FGF14: variants seen among roughly 807,000 people sequenced by gnomAD.
FGF14 encodes the protein fibroblast growth factor homologous factor 4.
Under a neutral mutation model 25.5 loss-of-function variants are expected in FGF14, and 5 were observed. The observed-to-expected ratio is 0.20, with a 90% CI of 0.10 to 0.41. The LOEUF is 0.41. Among genes scored for constraint, FGF14 ranks in the 10% least tolerant of loss-of-function variants. The probability of loss-of-function intolerance (pLI) is 1.00; values close to 1 mark genes in which losing one functional copy is unlikely to be tolerated. For synonymous variants in FGF14, 138 were observed against 118.3 expected, an observed-to-expected ratio of 1.17 and a Z score of -1.08; for missense variants, 222 against 320.1, an observed-to-expected ratio of 0.69 and a Z score of 2.34.
intron 1 of FGF14, among the ~76,000 whole-genome samples, chr13:102,248,986 G>T (rs1440853430): frequency 6.6e-6 from 1 of 152,142 alleles, no homozygotes; most frequent in Non-Finnish European, 1.5e-5. Flanking sequence ...GACTAAGGAA[G>T]TGCAGGAAGT....
intron 3 of FGF14, among the ~76,000 whole-genome samples, chr13:101,754,594 T>G (rs188759893): frequency 6.6e-6 from 1 of 152,128 alleles, no homozygotes; most frequent in East Asian, 1.9e-4. Context: ...CCGAGCGTAG[T>G]GGCATGCACC....
chr13:102,146,351 A>C (rs1416876245), intron 1 of FGF14, among the ~76,000 whole-genome samples: 1 of 152,190 alleles, frequency 6.6e-6, no homozygotes, highest in African/African-American at 2.4e-5. Flanking sequence ...ATTCATTTTA[A>C]GGTAAGCATT....
intron 1 of FGF14, among the ~76,000 whole-genome samples, chr13:102,179,725 A>G (rs1468840418): frequency 6.6e-6 from 1 of 152,146 alleles, no homozygotes; most frequent in Non-Finnish European, 1.5e-5. Context: ...CTTTATCACT[A>G]TTCTATGCTA....
intron 2 of FGF14, 128 bp downstream of exon 2, chr13:101,875,058 C>T (rs1319657075): frequency 1.4e-6 from 1 of 722,328 alleles, no homozygotes; most frequent in Non-Finnish European, 2.5e-6. Context: ...AAATGGCATC[C>T]TAGTGTGTAA....
intron 1 of FGF14, among the ~76,000 whole-genome samples, chr13:102,267,603 A>G (rs2053053246): frequency 6.6e-6 from 1 of 152,118 alleles, no homozygotes. Flanking sequence ...GTAGAGAGAG[A>G]GAAAGATATC....
rs114789994 is a variant in FGF14 at position 102,181,183 on chromosome 13, A to T, written c.208+220288T>A. 2.1e-3 allele frequency among the ~76,000 whole-genome samples: 324 copies of T among 152,268 alleles called. 1 individual carries two copies. Among genetic ancestry groups the T allele is most frequent in the African/African-American group, 7.5e-3 (313 of 41,558 alleles). On this transcript the variant is annotated intron_variant, in intron 1 of 4. Transcript: ENST00000376131. ...TCAATTAAACAGAATGTTATTTTTT[A>T]AAAAAGTTTAAAAGATTTTCAGTGT...
rs60578264 is a variant in FGF14, at chr13:102,314,206, A to T, written c.208+87265T>A. 4.6e-3 allele frequency among the ~76,000 whole-genome samples: 697 copies of T among 152,316 alleles called. 3 individuals are homozygous for T. Among genetic ancestry groups the T allele is most frequent in the African/African-American group, 0.016 (657 of 41,564 alleles). On this transcript the variant is annotated intron_variant, in intron 1 of 4. Coordinates refer to the FGF14 transcript ENST00000376131. Reference sequence around the variant, plus strand: ...TATTGAAGTCAGTTAGCAACAATGTAATTTGCCTGACCTGATCATCTTACA... The same window carrying T: ...TATTGAAGTCAGTTAGCAACAATGTTATTTGCCTGACCTGATCATCTTACA...
At chr13:102,061,710 T>C (rs1363319242) in intron 1 of FGF14, among the ~76,000 whole-genome samples, 1 of 152,198 alleles carries the variant, frequency 6.6e-6, no homozygotes, top group Non-Finnish European at 1.5e-5. Context: ...CTGACACATG[T>C]GGCCTCCAGT....
intron 1 of FGF14, among the ~76,000 whole-genome samples, chr13:102,346,197 A>G (rs1467751435): frequency 6.6e-6 from 1 of 152,204 alleles, no homozygotes; most frequent in Non-Finnish European, 1.5e-5. Context: ...GGATTCAAAA[A>G]TTGAATGGTA....
intron 3 of FGF14, among the ~76,000 whole-genome samples, chr13:101,797,064 G>A (rs1306119485): frequency 3.9e-5 from 6 of 151,962 alleles, no homozygotes; most frequent in East Asian, 1.9e-4. Flanking sequence ...AAATATTCTC[G>A]CAAGTCTTCT....
Position 101,976,389 on chromosome 13 carries a change from T to C in FGF14, c.209-101093A>G, listed in dbSNP as rs143024422. On this transcript the variant is annotated intron_variant, in intron 1 of 4. Coordinates refer to the FGF14 transcript ENST00000376131. ...TAGCCCATTGAAAAAAATGCTATGATATTTTTGTTGTATTCTTCAATAACC... is the reference window on the plus strand; with the variant it reads ...TAGCCCATTGAAAAAAATGCTATGACATTTTTGTTGTATTCTTCAATAACC... Among the ~76,000 whole-genome samples the C allele has an allele frequency of 9.1e-3, 1,383 of 152,330 alleles. 15 individuals carry two copies. Among genetic ancestry groups the C allele is most frequent in the Middle Eastern group, 0.034 (10 of 294 alleles).
At chr13:101,741,840 A>G (rs1434689064) in intron 3 of FGF14, among the ~76,000 whole-genome samples, 2 of 152,146 alleles carry the variant, frequency 1.3e-5, no homozygotes, top group South Asian at 2.1e-4. Flanking sequence ...TGGGCCCCCT[A>G]AGGAGAAAAA....
At chr13:102,340,363 T>A (rs1409389405) in intron 1 of FGF14, among the ~76,000 whole-genome samples, 1 of 152,044 alleles carries the variant, frequency 6.6e-6, no homozygotes, top group Non-Finnish European at 1.5e-5. Flanking sequence ...GCCATAATAA[T>A]CTTGCTTCTC....
intron 1 of FGF14, among the ~76,000 whole-genome samples, chr13:101,911,135 A>G (rs943308249): frequency 1.3e-5 from 2 of 152,118 alleles, no homozygotes; most frequent in Non-Finnish European, 2.9e-5. Context: ...GTAACTTTAC[A>G]CCAAAGAGAA....
At chr13:102,167,605 T>C (rs1428913552) in intron 1 of FGF14, among the ~76,000 whole-genome samples, 1 of 152,138 alleles carries the variant, frequency 6.6e-6, no homozygotes, top group African/African-American at 2.4e-5. Flanking sequence ...TCATTCCACC[T>C]AGATTAATTT....
intron 1 of FGF14, among the ~76,000 whole-genome samples, chr13:102,011,553 C>A (rs915111578): frequency 7.3e-6 from 1 of 137,860 alleles, no homozygotes; most frequent in African/African-American, 2.8e-5. Flanking sequence ...CAGGCAGGAT[C>A]GCCTTTTGGA....
At chr13:101,851,713 C>T (rs1429469767) in intron 3 of FGF14, among the ~76,000 whole-genome samples, 3 of 152,108 alleles carry the variant, frequency 2.0e-5, no homozygotes, top group East Asian at 3.9e-4. Context: ...TTTTAAGAGC[C>T]CTTGCTAAGT....
intron 1 of FGF14, among the ~76,000 whole-genome samples, chr13:102,207,624 TA>T (rs35568335): frequency 0.27 from 24,772 of 92,380 alleles, 3,270 homozygotes; most frequent in Admixed American, 0.34. Context: ...CAGTTTTCAT[TA>T]AAAAAAAAAA....
In FGF14 at chr13:102,182,100, T is replaced by G. The variant is rs148739778; in HGVS notation, c.208+219371A>C. The stretch of plus-strand genomic sequence containing the variant: ...CCTGCATTGTGAAATTTATCCTGAG[T>G]TATCCAGGTGGGCCCAGTGTAATCA... On this transcript the variant is annotated intron_variant, in intron 1 of 4. Transcript: ENST00000376131. 8.0e-3 allele frequency among the ~76,000 whole-genome samples: 1,224 copies of G among 152,232 alleles called. 10 individuals carry two copies. Among genetic ancestry groups the G allele is most frequent in the Middle Eastern group, 0.031 (9 of 294 alleles).
Sources: gnomAD v4.1 joint callset for allele counts (sites outside exome capture counted in the v4.1 genomes callset) on GRCh38, gnomAD v4.1.1 for gene constraint, MANE v1.5 for transcripts, NCBI Gene and HGNC (gene_info 2026-07-23, HGNC 2026-07-21) for gene names.